Variants in COX10 observed in about 807,000 individuals in gnomAD.
COX10 encodes protoheme IX farnesyltransferase, mitochondrial.
COX10 carries 27 observed loss-of-function variants against 37.3 expected under a neutral mutation model. The ratio of observed to expected loss-of-function variants is 0.72; its 90% CI spans 0.53 to 1.00. The LOEUF is 1.00. Ranked by LOEUF, COX10 falls within the 50% of genes least tolerant of loss-of-function variation. The probability of loss-of-function intolerance (pLI) is 0.00; values close to 1 mark genes in which losing one functional copy is unlikely to be tolerated. For missense variants in COX10, 475 were observed against 563.2 expected, an observed-to-expected ratio of 0.84 and a Z score of 1.59; for synonymous variants, 222 against 229.1, an observed-to-expected ratio of 0.97 and a Z score of 0.28.
chr17:14,189,191 C>T (rs972405586), intron 5 of COX10, among the ~76,000 whole-genome samples: 1 of 149,970 alleles, frequency 6.7e-6, no homozygotes, highest in Non-Finnish European at 1.5e-5. Flanking sequence ...ATGGTTTTGG[C>T]ACCCACTGAG....
Position 14,141,883 on chromosome 17 carries a change from T to A in COX10, c.625-17994T>A, listed in dbSNP as rs1010420236. On this transcript the variant is annotated intron_variant, in intron 4 of 6. Coordinates refer to ENST00000261643, the MANE Select transcript of COX10 (RefSeq NM_001303.4). ...GCAGTATATGATCTGGAAGATTTTT[T>A]AAATATAGAATTGTACTAAATAGAG... is the stretch of plus-strand genomic sequence containing the variant. 1.8e-4 allele frequency among the ~76,000 whole-genome samples: 28 copies of A among 152,338 alleles called. 1 individual carries two copies. The highest frequency in any genetic ancestry group is 5.0e-4 in the African/African-American group (21 of 41,588).
intron 4 of COX10, among the ~76,000 whole-genome samples, chr17:14,118,747 A>C (rs535005520): frequency 1.2e-3 from 185 of 152,284 alleles, no homozygotes; most frequent in Admixed American, 3.5e-3. Context: ...TATTTCAAAA[A>C]TTTAGATCTG....
intron 6 of COX10, among the ~76,000 whole-genome samples, chr17:14,202,084 A>AGC (rs148271427): frequency 1.9e-4 from 26 of 135,418 alleles, no homozygotes; most frequent in Non-Finnish European, 8.4e-5. Flanking sequence ...ATTAAAACAG[A>AGC]TCTCTCTCTT....
In COX10 at chr17:14,091,927, A is replaced by G. The variant is rs192781274; in HGVS notation, c.500-10191A>G. On this transcript the variant is annotated intron_variant, in intron 3 of 6. Coordinates refer to ENST00000261643, the MANE Select transcript of COX10 (RefSeq NM_001303.4). ...TTGCCAAACTCAGTTTTGAAACTACATGTTTCTGCTTCTTAAAAGTTTCAG... is the reference window on the plus strand; with the variant it reads ...TTGCCAAACTCAGTTTTGAAACTACGTGTTTCTGCTTCTTAAAAGTTTCAG... 2.6e-5 allele frequency among the ~76,000 whole-genome samples: 4 copies of G among 152,260 alleles called. No individual in the cohort carries two copies. In the East Asian group the frequency reaches 7.7e-4, roughly 29 times the overall value.
At position 14,116,853 on chromosome 17, in the gene COX10, C is replaced by T. The variant is rs1367300935; in HGVS notation, c.624+14611C>T. Among the ~76,000 whole-genome samples, 6 of 152,114 alleles carry T rather than the reference C, an allele frequency of 3.9e-5. 1 individual carries two copies. Among genetic ancestry groups the T allele is most frequent in the African/African-American group, 2.4e-5 (1 of 41,424 alleles). On this transcript the variant is annotated intron_variant, in intron 4 of 6. Coordinates refer to ENST00000261643, the MANE Select transcript of COX10 (RefSeq NM_001303.4). ...AGCATCCTCAACACAACATCCAGAG[C>T]GATCTTCTGGAAATATAAATGAGAT...
intron 4 of COX10, among the ~76,000 whole-genome samples, chr17:14,145,463 A>G (rs533677353): frequency 6.6e-6 from 1 of 152,168 alleles, no homozygotes; most frequent in Non-Finnish European, 1.5e-5. Flanking sequence ...GGGTCTTGAC[A>G]GCCATGGGGT....
At chr17:14,143,264 T>C (rs1904602589) in intron 4 of COX10, among the ~76,000 whole-genome samples, 1 of 152,230 alleles carries the variant, frequency 6.6e-6, no homozygotes, top group Non-Finnish European at 1.5e-5. Context: ...TTTATTATTA[T>C]TTTAATAGGA....
chr17:14,171,358 T>C (rs1452666965), intron 5 of COX10, among the ~76,000 whole-genome samples: 1 of 152,198 alleles, frequency 6.6e-6, no homozygotes, highest in Non-Finnish European at 1.5e-5. Context: ...ACTCAACAAA[T>C]GTGTTTTTTT....
At chr17:14,109,902 A>G (rs1392425808) in intron 4 of COX10, among the ~76,000 whole-genome samples, 1 of 152,194 alleles carries the variant, frequency 6.6e-6, no homozygotes, top group Non-Finnish European at 1.5e-5. Flanking sequence ...TTATTAACAT[A>G]AAAGTTTGGT....
intron 4 of COX10, among the ~76,000 whole-genome samples, chr17:14,150,943 T>A (rs1904876326): frequency 6.6e-6 from 1 of 152,236 alleles, no homozygotes; most frequent in Admixed American, 6.5e-5. Flanking sequence ...TAAGGGTTGA[T>A]ATTACTGCAT....
intron 2 of COX10, among the ~76,000 whole-genome samples, chr17:14,076,336 G>A (rs1915151094): frequency 6.6e-6 from 1 of 151,880 alleles, no homozygotes; most frequent in African/African-American, 2.4e-5. Flanking sequence ...CTAGGCTCGA[G>A]GATCCTGGGA....
Position 14,164,680 on chromosome 17 carries a change from AAATGGCAAAGAATAGAT to A in COX10, c.695+4734_695+4750del, listed in dbSNP as rs1461988610. ...CATCCCTTTGTGCAAGCCATAGACAAAATGGCAAAGAATAGATCCCCGTGAGAACCGTTTAGAGTATG... is the reference window on the plus strand; with the variant it reads ...CATCCCTTTGTGCAAGCCATAGACAACCCCGTGAGAACCGTTTAGAGTATG... On this transcript the variant is annotated intron_variant, in intron 5 of 6. Coordinates refer to ENST00000261643, the MANE Select transcript of COX10 (RefSeq NM_001303.4). Among the ~76,000 whole-genome samples the A allele has an allele frequency of 3.0e-4, 45 of 152,322 alleles. 1 individual carries two copies. The South Asian group carries it at 3.7e-3, about 13-fold the overall frequency.
Position 14,122,418 on chromosome 17 carries a change from T to G in COX10, c.624+20176T>G, listed in dbSNP as rs115501213. On this transcript the variant is annotated intron_variant, in intron 4 of 6. Coordinates refer to ENST00000261643, the MANE Select transcript of COX10 (RefSeq NM_001303.4). ...ACTCACCATCTGTAATCTTACCAGA[T>G]CCTTGCTTATCCACTTACAGTTTAT... Among the ~76,000 whole-genome samples, 323 of 152,314 alleles carry G rather than the reference T, an allele frequency of 2.1e-3. 3 individuals carry two copies. Among genetic ancestry groups the G allele is most frequent in the African/African-American group, 7.1e-3 (295 of 41,568 alleles).
chr17:14,148,835 T>C (rs1431607719), intron 4 of COX10, among the ~76,000 whole-genome samples: 2 of 151,598 alleles, frequency 1.3e-5, no homozygotes, highest in African/African-American at 4.8e-5. Flanking sequence ...GTATATATTG[T>C]CTGTTAGGAA....
intron 4 of COX10, among the ~76,000 whole-genome samples, chr17:14,132,611 G>A (rs1916491841): frequency 6.6e-6 from 1 of 151,318 alleles, no homozygotes; most frequent in Non-Finnish European, 1.5e-5. Context: ...CAAATATATT[G>A]TTCTACCTTA....
chr17:14,188,213 G>A (rs199565417), intron 5 of COX10, among the ~76,000 whole-genome samples: 5 of 139,430 alleles, frequency 3.6e-5, no homozygotes, highest in Admixed American at 7.2e-5. Context: ...GTCTCATAGG[G>A]AAAAAAAAAA....
chr17:14,132,444 C>T (rs1488221504), intron 4 of COX10, among the ~76,000 whole-genome samples: 1 of 151,876 alleles, frequency 6.6e-6, no homozygotes, highest in Non-Finnish European at 1.5e-5. Context: ...AATATTTCTT[C>T]CCTTGATTTT....
intron 6 of COX10, among the ~76,000 whole-genome samples, chr17:14,192,916 A>T (rs1390392841): frequency 6.6e-6 from 1 of 152,064 alleles, no homozygotes; most frequent in African/African-American, 2.4e-5. Flanking sequence ...TATTTTTCAC[A>T]TGAGAGATCA....
chr17:14,207,256 C>G lies in COX10; in HGVS notation c.*43C>G. 1.3e-6 allele frequency: 2 copies of G among 1,515,366 alleles called. No homozygotes were observed. Among genetic ancestry groups the G allele is most frequent in the Admixed American group, 2.0e-5 (1 of 49,686 alleles). The allele number at this position is 1,515,366 out of a possible 1,614,324, so 93.9% of individuals were successfully genotyped here. A position where few individuals can be genotyped will look rare whatever the true frequency, so the allele number is the denominator to read the frequency against. On this transcript the variant is annotated 3_prime_UTR_variant, in exon 7 of 7. Transcript: ENST00000261643. ...CCGCCCCTTTCCCTCCGCTGCCAGG[C>G]GAGCATGTTGTGGTAATTCTGGAAC...
Sources: allele counts gnomAD v4.1 joint callset (sites outside exome capture counted in the v4.1 genomes callset), GRCh38; gene constraint gnomAD v4.1.1; transcripts MANE v1.5; gene names NCBI Gene and HGNC (gene_info 2026-07-23, HGNC 2026-07-21).